The following GALNT16 variants were observed in gnomAD, a reference collection of about 807,000 sequenced individuals.
The protein encoded by GALNT16 is polypeptide N-acetylgalactosaminyltransferase 16.
GALNT16 carries 40 observed loss-of-function variants against 76.1 expected under a neutral mutation model. That is an observed-to-expected ratio of 0.53 (90% CI 0.41 to 0.68). The LOEUF is 0.68. Ranked by LOEUF, GALNT16 falls within the 30% of genes least tolerant of loss-of-function variation. The pLI is 0.00. For synonymous variants in GALNT16, 276 were observed against 285.2 expected (o/e 0.97, Z 0.32); for missense variants, 621 against 731.9 (o/e 0.85, Z 1.75).
chr14:69,369,680 A>C, the GALNT16 span, among the ~76,000 whole-genome samples: 1 of 152,178 alleles, frequency 6.6e-6, no homozygotes, highest in South Asian at 2.1e-4. Flanking sequence ...CTAGAGAAAG[A>C]CCTACTTTTA....
At chr14:69,290,754 G>A (rs543990412) in intron 1 of GALNT16, among the ~76,000 whole-genome samples, 2 of 152,330 alleles carry the variant, frequency 1.3e-5, no homozygotes, top group East Asian at 3.9e-4. Flanking sequence ...AAAATTACCA[G>A]CCCTCGAAAA....
intron 1 of GALNT16, among the ~76,000 whole-genome samples, chr14:69,287,819 C>T (rs1178207098): frequency 6.6e-6 from 1 of 152,174 alleles, no homozygotes; most frequent in Non-Finnish European, 1.5e-5. Flanking sequence ...ATGCAGCTGC[C>T]TCTGAGTGAG....
chr14:69,326,194 C>A (rs2045282578), intron 5 of GALNT16, among the ~76,000 whole-genome samples, 167 bp downstream of exon 5: 1 of 152,172 alleles, frequency 6.6e-6, no homozygotes, highest in African/African-American at 2.4e-5. Flanking sequence ...CCAGATCAGC[C>A]CCATCAAGGC....
intron 1 of GALNT16, among the ~76,000 whole-genome samples, chr14:69,312,778 C>T (rs939971497): frequency 8.5e-5 from 13 of 152,306 alleles, no homozygotes; most frequent in African/African-American, 3.1e-4. Context: ...GATCCTTGAG[C>T]CAAGGAAGGA....
At chr14:69,332,986 G>A (rs1376350090) in intron 7 of GALNT16, 99 bp from the exon 8 acceptor site, 5 of 833,430 alleles carry the variant, frequency 6.0e-6, no homozygotes, top group Non-Finnish European at 1.1e-5. Flanking sequence ...AGAGCCCAGG[G>A]CTCTGATCAG....
intron 1 of GALNT16, among the ~76,000 whole-genome samples, chr14:69,279,650 G>T (rs1378715616): frequency 1.3e-5 from 2 of 152,252 alleles, no homozygotes; most frequent in Admixed American, 6.5e-5. Context: ...CCGTGTCAGG[G>T]CGTATGCCGA....
At chr14:69,369,859 T>G in the GALNT16 span, among the ~76,000 whole-genome samples, 1 of 152,114 alleles carries the variant, frequency 6.6e-6, no homozygotes, top group African/African-American at 2.4e-5. Flanking sequence ...CCAACCAGAC[T>G]GGGGAAGATT....
chr14:69,306,207 T>G (rs1307668500), intron 1 of GALNT16, among the ~76,000 whole-genome samples: 1 of 152,224 alleles, frequency 6.6e-6, no homozygotes, highest in Non-Finnish European at 1.5e-5. Context: ...CCTCCAGCTT[T>G]GTTTTTCCTT....
rs1232418812 is a variant in GALNT16 at position 69,296,768 on chromosome 14, AGACAGATAGAT to A, written c.178-23940_178-23930del. ...TAGATAGATAGATAGATAGATAGAT[AGACAGATAGAT>A]GATAGAGATAGACAGACAGATAGAG... On this transcript the variant is annotated intron_variant, in intron 1 of 14. Coordinates refer to ENST00000448469, the MANE Select transcript of GALNT16 (RefSeq NM_001168368.2). Among the ~76,000 whole-genome samples, 8 of 132,204 alleles carry A rather than the reference AGACAGATAGAT, an allele frequency of 6.1e-5. No individual in the cohort carries two copies. The East Asian group carries it at 3.2e-3, about 53-fold the overall frequency. The allele number at this position is 132,204 out of a possible 152,430, so 86.7% of individuals were successfully genotyped here.
intron 2 of GALNT16, among the ~76,000 whole-genome samples, chr14:69,321,725 G>C (rs979377038): frequency 6.6e-6 from 1 of 152,034 alleles, no homozygotes; most frequent in African/African-American, 2.4e-5. Context: ...GGCTCACTTC[G>C]AGGACACTTG....
chr14:69,342,926 T>C (rs1326965436), intron 12 of GALNT16, among the ~76,000 whole-genome samples: 1 of 152,236 alleles, frequency 6.6e-6, no homozygotes, highest in Non-Finnish European at 1.5e-5. Context: ...ATGTTCCTTG[T>C]AGCCGTTATT....
chr14:69,349,067 C>T (rs2045599897), intron 14 of GALNT16: 1 of 152,346 alleles, frequency 6.6e-6, no homozygotes, highest in Non-Finnish European at 1.5e-5. Flanking sequence ...TTTGCTGTGC[C>T]ATTCTGGAAA....
At position 69,322,535 on chromosome 14, in the gene GALNT16, G is replaced by A. The variant is rs4349082; in HGVS notation, c.335+1667G>A. Among the ~76,000 whole-genome samples, 902 of 152,324 alleles carry A rather than the reference G, an allele frequency of 5.9e-3. 5 individuals carry two copies. Among genetic ancestry groups the A allele is most frequent in the African/African-American group, 0.02 (846 of 41,570 alleles). ...GGCTATGTACATTTTTAAATGAGAC[G>A]CTTTAAATCCAGGGTAGTGGTGGGT... On this transcript the variant is annotated intron_variant, in intron 2 of 14. Coordinates refer to ENST00000448469, the MANE Select transcript of GALNT16 (RefSeq NM_001168368.2).
In GALNT16 at chr14:69,325,990, C is replaced by A. The variant is rs756955226; in HGVS notation, c.531C>A (p.Ile177=). The change falls in exon 5 of 15, where the codon ATC becomes ATA. Residue 177 remains isoleucine (I), a synonymous_variant. Coordinates refer to ENST00000448469, the MANE Select transcript of GALNT16 (RefSeq NM_001168368.2). The part of the protein sequence containing the change: ...DPEDCLLLTR[I]PKVKCLRNDR... ...AAGACTGTCTACTCCTGACCAGGAT[C>A]CCCAAGGTCAAGTGCCTGCGCAATG... is the stretch of plus-strand genomic sequence containing the variant. 6.2e-7 allele frequency: 1 copy of A among 1,614,032 alleles called. No homozygotes were observed. Among genetic ancestry groups the A allele is most frequent in the South Asian group, 1.1e-5 (1 of 91,076 alleles).
chr14:69,296,306 C>T (rs1242259319), intron 1 of GALNT16, among the ~76,000 whole-genome samples: 5 of 152,282 alleles, frequency 3.3e-5, no homozygotes, highest in South Asian at 2.1e-4. Flanking sequence ...CACCTCCCTC[C>T]AGGCCCCATC....
chr14:69,295,540 C>A (rs1049406904), intron 1 of GALNT16, among the ~76,000 whole-genome samples: 1 of 151,648 alleles, frequency 6.6e-6, no homozygotes, highest in African/African-American at 2.4e-5. Flanking sequence ...GCCAACATAG[C>A]GAAACTCTGT....
intron 7 of GALNT16, 133 bp downstream of exon 7, chr14:69,331,684 A>G: frequency 1.5e-6 from 1 of 674,510 alleles, no homozygotes; most frequent in Non-Finnish European, 2.7e-6. Flanking sequence ...CACCACCTCC[A>G]AAGAGAAAAT....
chr14:69,332,973 C>T (rs1223214502), intron 7 of GALNT16, 112 bp from the exon 8 acceptor site: 7 of 782,678 alleles, frequency 8.9e-6, no homozygotes, highest in East Asian at 2.5e-5. Context: ...AGGGACTGCA[C>T]GAAGAGCCCA....
At chr14:69,335,632 A>C (rs2045406744) in intron 9 of GALNT16, among the ~76,000 whole-genome samples, 1 of 152,202 alleles carries the variant, frequency 6.6e-6, no homozygotes, top group Non-Finnish European at 1.5e-5. Flanking sequence ...TTGAAAGGTG[A>C]ACCACAGAGT....
Sources: allele counts gnomAD v4.1 joint callset (sites outside exome capture counted in the v4.1 genomes callset), GRCh38; gene constraint gnomAD v4.1.1; transcripts MANE v1.5; gene names NCBI Gene and HGNC (gene_info 2026-07-23, HGNC 2026-07-21).